Variants in BIRC6 observed in about 807,000 individuals in gnomAD.
BIRC6 encodes the protein baculoviral IAP repeat containing 6.
BIRC6 carries 98 observed loss-of-function variants against 503.3 expected under a neutral mutation model. The observed-to-expected ratio is 0.19, with a 90% CI of 0.17 to 0.23. The LOEUF (loss-of-function observed/expected upper bound fraction) is 0.23. Ranked by LOEUF, BIRC6 falls within the 10% of genes least tolerant of loss-of-function variation. BIRC6 has a pLI of 1.00. For missense variants in BIRC6, 5,360 were observed against 5,806.0 expected (o/e 0.92, Z 2.50); for synonymous variants, 2,240 against 2,078.7 (o/e 1.08, Z -2.11).
intron 57 of BIRC6, among the ~76,000 whole-genome samples, chr2:32,521,672 G>C (rs2055732412): frequency 6.7e-6 from 1 of 149,244 alleles, no homozygotes; most frequent in South Asian, 2.1e-4. Flanking sequence ...TAGAGATGGG[G>C]TTTTGTCATA....
At position 32,453,900 on chromosome 2, in the gene BIRC6, G is replaced by A; in HGVS notation, c.4711G>A (p.Val1571Met). Residue 1571 changes from valine to methionine, a missense_variant, in exon 23 of 74, where the codon GTG (valine) becomes ATG (methionine). Val to Met is a conservative substitution (Grantham distance 21). Transcript: ENST00000421745. ...AGTTGAACCTCTGCACTTTACTTGT[G>A]TGTCAACTAGTGATGGAACCAGAAT... ...LEVEPLHFTC[V>M]STSDGTRIER... is the part of the protein sequence containing the mutation. 2 of 1,613,534 alleles carry A rather than the reference G, an allele frequency of 1.2e-6. No homozygotes were observed. The highest frequency in any genetic ancestry group is 1.7e-6 in the Non-Finnish European group (2 of 1,179,504).
intron 61 of BIRC6, among the ~76,000 whole-genome samples, chr2:32,531,985 A>G (rs1338137851): frequency 2.0e-5 from 3 of 152,156 alleles, no homozygotes; most frequent in African/African-American, 7.2e-5. Flanking sequence ...AACATGACCT[A>G]TTCCCGTGTT....
intron 1 of BIRC6, among the ~76,000 whole-genome samples, chr2:32,363,446 A>G (rs1406752113): frequency 6.6e-6 from 1 of 151,900 alleles, no homozygotes; most frequent in Non-Finnish European, 1.5e-5. Context: ...GTGATTTACC[A>G]CTTTCCACCA....
chr2:32,541,764 GT>G (rs566221784), intron 61 of BIRC6, among the ~76,000 whole-genome samples: 134 of 152,192 alleles, frequency 8.8e-4, no homozygotes, highest in African/African-American at 3.1e-3. Context: ...CAGAATTGGA[GT>G]TTTTCTTTGA....
intron 22 of BIRC6, among the ~76,000 whole-genome samples, chr2:32,451,219 A>G (rs895077236): frequency 2.6e-5 from 4 of 152,206 alleles, no homozygotes; most frequent in Non-Finnish European, 5.9e-5. Context: ...TCTGAAGTTC[A>G]AAGTTTCTAA....
At chr2:32,430,321 T>C (rs747598799) in intron 11 of BIRC6, among the ~76,000 whole-genome samples, 1 of 152,222 alleles carries the variant, frequency 6.6e-6, no homozygotes, top group Non-Finnish European at 1.5e-5. Context: ...ATTACTCTTA[T>C]AATACTAGCA....
intron 8 of BIRC6, among the ~76,000 whole-genome samples, chr2:32,402,566 T>G (rs1464149959): frequency 6.6e-6 from 1 of 152,184 alleles, no homozygotes; most frequent in Non-Finnish European, 1.5e-5. Flanking sequence ...AGTGGAAAAT[T>G]TACAATATAT....
intron 66 of BIRC6, among the ~76,000 whole-genome samples, chr2:32,579,955 G>GTTTTTTTTTTTTTTTTTTTT (rs566605734): frequency 7.5e-6 from 1 of 132,718 alleles, no homozygotes. Flanking sequence ...AACCAGGCAG[G>GTTTTTTTTTTTTTTTTTTTT]TTTTTTTTTT....
chr2:32,395,134 CAG>C (rs1300973114), intron 5 of BIRC6, among the ~76,000 whole-genome samples: 2 of 152,164 alleles, frequency 1.3e-5, no homozygotes, highest in Non-Finnish European at 2.9e-5. Context: ...GCCTGGGTGA[CAG>C]AGCGAGACTC....
chr2:32,509,269 T>A (rs889456139), intron 51 of BIRC6, among the ~76,000 whole-genome samples: 1 of 152,160 alleles, frequency 6.6e-6, no homozygotes, highest in Admixed American at 6.5e-5. Context: ...TTTCTGTTTG[T>A]TTTGAGACAG....
At chr2:32,381,747 T>C (rs1462170711) in intron 3 of BIRC6, among the ~76,000 whole-genome samples, 3 of 152,150 alleles carry the variant, frequency 2.0e-5, no homozygotes, top group Admixed American at 1.3e-4. Flanking sequence ...GGTTTCACTA[T>C]GTTGGCCAGG....
At chr2:32,465,787 T>G (rs1168914615) in intron 26 of BIRC6, among the ~76,000 whole-genome samples, 1 of 152,208 alleles carries the variant, frequency 6.6e-6, no homozygotes, top group African/African-American at 2.4e-5. Flanking sequence ...ATAACATGGT[T>G]ATAGTATACA....
chr2:32,381,979 G>T (rs1402067784), intron 3 of BIRC6, among the ~76,000 whole-genome samples: 1 of 151,992 alleles, frequency 6.6e-6, no homozygotes, highest in Non-Finnish European at 1.5e-5. Context: ...TTACTCTATT[G>T]ATGGGGCATT....
In BIRC6 at chr2:32,543,359, C is replaced by T. The variant is rs777191070; in HGVS notation, c.12410C>T (p.Ala4137Val). The T allele has an allele frequency of 9.9e-6, 16 of 1,613,828 alleles. No homozygotes were observed. The highest frequency in any genetic ancestry group is 6.6e-5 in the South Asian group (6 of 91,080). The change falls in exon 62 of 74, where the codon GCG becomes GTG. Residue 4137 changes from alanine (A) to valine (V), a missense_variant. By Grantham distance (64) the Ala-to-Val change is moderately conservative. This residue lies in a region of BIRC6 where 477 missense variants were observed against 574.4 expected (regional missense o/e 0.83). Coordinates refer to ENST00000421745, the MANE Select transcript of BIRC6 (RefSeq NM_016252.4). ...GTTTATGAAGCACCAGAAACTGTTG[C>T]GGCTGAACCTCCACCTATCAAGTCA... ...ELVYEAPETVAAEPPPIKSAV... is the reference protein window; with the variant it reads ...ELVYEAPETVVAEPPPIKSAV...
chr2:32,486,704 T>C (rs973703536), intron 40 of BIRC6, among the ~76,000 whole-genome samples: 4 of 152,228 alleles, frequency 2.6e-5, no homozygotes, highest in African/African-American at 9.6e-5. Context: ...AGTTTTTACA[T>C]CTTCCTTATG....
At chr2:32,496,729 C>A (rs1053845509) in intron 45 of BIRC6, among the ~76,000 whole-genome samples, 3 of 151,958 alleles carry the variant, frequency 2.0e-5, no homozygotes, top group Non-Finnish European at 4.4e-5. Flanking sequence ...TATTGATTTT[C>A]CAGAAAAAAA....
At chr2:32,570,478 G>A (rs559701344) in intron 65 of BIRC6, among the ~76,000 whole-genome samples, 14 of 145,416 alleles carry the variant, frequency 9.6e-5, no homozygotes, top group African/African-American at 2.3e-4. Flanking sequence ...GCTACAGTGC[G>A]TGGCCATTTA....
At position 32,501,812 on chromosome 2, in the gene BIRC6, G is replaced by C. The variant is rs372582186; in HGVS notation, c.9131G>C (p.Ser3044Thr). The C allele has an allele frequency of 2.5e-6, 4 of 1,613,884 alleles. No individual in the cohort carries two copies. Among genetic ancestry groups the C allele is most frequent in the Non-Finnish European group, 3.4e-6 (4 of 1,179,848 alleles). The stretch of plus-strand genomic sequence containing the variant: ...TTATTTACCATACTGACAACCCTTA[G>C]TAAAAAAGCTTCTACAGTCCACATG... ...DGLFTILTTL[S>T]KKASTVHMML... The change falls in exon 47 of 74, where the codon AGT becomes ACT. Residue 3044 changes from serine (S) to threonine (T), a missense_variant. Ser to Thr is a moderately conservative substitution (Grantham distance 58). Transcript: ENST00000421745.
chr2:32,595,269 C>T (rs2061609503), intron 68 of BIRC6, 125 bp downstream of exon 68: 4 of 581,980 alleles, frequency 6.9e-6, no homozygotes, highest in Non-Finnish European at 1.2e-5. Flanking sequence ...TTACTTCATA[C>T]ATATCAACAT....
Sources: gnomAD v4.1 joint callset for allele counts (sites outside exome capture counted in the v4.1 genomes callset) on GRCh38, gnomAD v4.1.1 for gene constraint, gnomAD v4.1.1 regional missense constraint, MANE v1.5 for transcripts, NCBI Gene and HGNC (gene_info 2026-07-23, HGNC 2026-07-21) for gene names.